The following KLF12 variants were observed in gnomAD, a reference collection of about 807,000 sequenced individuals.
The protein encoded by KLF12 is KLF transcription factor 12.
Under a neutral mutation model 37.8 loss-of-function variants are expected in KLF12, and 9 were observed. The ratio of observed to expected loss-of-function variants is 0.24; its 90% CI spans 0.14 to 0.42. The LOEUF (loss-of-function observed/expected upper bound fraction) is 0.42. KLF12 is among the 10% of genes least tolerant of loss of function. The probability of loss-of-function intolerance (pLI) is 1.00; values close to 1 mark genes in which losing one functional copy is unlikely to be tolerated. For synonymous variants in KLF12, 208 were observed against 202.1 expected (o/e 1.03, Z -0.25); for missense variants, 411 against 516.0 (o/e 0.80, Z 1.97).
chr13:74,152,095 A>G, the KLF12 span, among the ~76,000 whole-genome samples: 1 of 152,186 alleles, frequency 6.6e-6, no homozygotes, highest in East Asian at 1.9e-4. Context: ...TCTGGATGGT[A>G]CAGTCCTTTA....
At chr13:74,264,180 C>G in the KLF12 span, among the ~76,000 whole-genome samples, 8 of 152,050 alleles carry the variant, frequency 5.3e-5, no homozygotes, top group African/African-American at 1.7e-4. Flanking sequence ...TATCAATTTG[C>G]TGATGTTGAA....
intron 3 of KLF12, among the ~76,000 whole-genome samples, chr13:73,892,858 G>A (rs953977854): frequency 6.6e-6 from 1 of 152,130 alleles, no homozygotes; most frequent in Admixed American, 6.5e-5. Context: ...ATAGAGGTGG[G>A]TAGGGTGAAG....
At position 73,905,363 on chromosome 13, in the gene KLF12, T is replaced by C. The variant is rs550265418; in HGVS notation, c.123+38618A>G. ...CCTTTTTTATGTTCATGGGGCTCTG[T>C]TGAAATATGATATCATCATGGATAA... On this transcript the variant is annotated intron_variant, in intron 3 of 7. Coordinates refer to ENST00000377669, the MANE Select transcript of KLF12 (RefSeq NM_007249.5). Among the ~76,000 whole-genome samples, 12 of 150,018 alleles carry C rather than the reference T, an allele frequency of 8.0e-5. 1 individual carries two copies. The highest frequency in any genetic ancestry group is 3.9e-4 in the East Asian group (2 of 5,188).
chr13:73,897,594 A>G (rs1010992743), intron 3 of KLF12, among the ~76,000 whole-genome samples: 1 of 152,108 alleles, frequency 6.6e-6, no homozygotes, highest in African/African-American at 2.4e-5. Flanking sequence ...CAGTCTTTAA[A>G]TGTTGGCTAT....
chr13:74,281,445 A>G, the KLF12 span, among the ~76,000 whole-genome samples: 1 of 152,226 alleles, frequency 6.6e-6, no homozygotes, highest in Admixed American at 6.5e-5. Flanking sequence ...AAAATTAGAT[A>G]TGGCATGGAG....
chr13:74,208,835 A>T, the KLF12 span, among the ~76,000 whole-genome samples: 1 of 152,030 alleles, frequency 6.6e-6, no homozygotes, highest in South Asian at 2.1e-4. Flanking sequence ...AAAAAGAAAC[A>T]CTTCTTTAAG....
At chr13:74,263,154 C>G in the KLF12 span, among the ~76,000 whole-genome samples, 1 of 152,114 alleles carries the variant, frequency 6.6e-6, no homozygotes, top group East Asian at 1.9e-4. Flanking sequence ...GTTCTTTATA[C>G]TTCTAACTAA....
At chr13:73,910,989 C>A (rs934800105) in intron 3 of KLF12, among the ~76,000 whole-genome samples, 1 of 152,100 alleles carries the variant, frequency 6.6e-6, no homozygotes, top group African/African-American at 2.4e-5. Context: ...AGCAAGAAAG[C>A]CCTCAACAGA....
chr13:74,154,009 C>T, the KLF12 span, among the ~76,000 whole-genome samples: 3 of 151,554 alleles, frequency 2.0e-5, no homozygotes, highest in Admixed American at 6.6e-5. Context: ...AGGCAGATCA[C>T]GAGGTCAGGA....
chr13:74,282,666 T>C, the KLF12 span, among the ~76,000 whole-genome samples: 2 of 152,044 alleles, frequency 1.3e-5, no homozygotes, highest in East Asian at 1.9e-4. Context: ...AGTATGGAAA[T>C]AATAACTTCA....
At chr13:73,883,839 G>A (rs1482073952) in intron 3 of KLF12, among the ~76,000 whole-genome samples, 1 of 152,020 alleles carries the variant, frequency 6.6e-6, no homozygotes, top group Non-Finnish European at 1.5e-5. Context: ...TTAAATTTAG[G>A]GTGATATGAC....
At chr13:74,051,950 A>T (rs1872951017) in intron 1 of KLF12, among the ~76,000 whole-genome samples, 1 of 152,178 alleles carries the variant, frequency 6.6e-6, no homozygotes, top group Non-Finnish European at 1.5e-5. Flanking sequence ...CCCTAATTTG[A>T]TCATTACACA....
At chr13:73,831,025 C>CACACACACACAT (rs1555311663) in intron 4 of KLF12, among the ~76,000 whole-genome samples, 21 of 141,634 alleles carry the variant, frequency 1.5e-4, no homozygotes, top group Middle Eastern at 3.5e-3. Context: ...CACACACACA[C>CACACACACACAT]GCATACTTAT....
intron 5 of KLF12, among the ~76,000 whole-genome samples, chr13:73,770,871 T>A: frequency 6.6e-6 from 1 of 152,172 alleles, no homozygotes; most frequent in Non-Finnish European, 1.5e-5. Context: ...TATTCTAATG[T>A]CATAGACACT....
intron 1 of KLF12, among the ~76,000 whole-genome samples, chr13:74,097,247 G>C (rs1876032740): frequency 6.6e-6 from 1 of 152,152 alleles, no homozygotes; most frequent in South Asian, 2.1e-4. Context: ...CCATCTTAGA[G>C]GGGTTACAAA....
the KLF12 span, among the ~76,000 whole-genome samples, chr13:74,153,543 A>G: frequency 6.6e-6 from 1 of 152,086 alleles, no homozygotes; most frequent in African/African-American, 2.4e-5. Flanking sequence ...TGTTCCAAAT[A>G]TGGGGTTTCT....
intron 2 of KLF12, among the ~76,000 whole-genome samples, chr13:73,954,828 C>T (rs920893281): frequency 6.6e-6 from 1 of 152,132 alleles, no homozygotes; most frequent in Non-Finnish European, 1.5e-5. Flanking sequence ...TTAAATTTTA[C>T]GTATAATCCA....
At position 74,096,635 on chromosome 13, in the gene KLF12, G is replaced by A. The variant is rs567658598; in HGVS notation, c.-32+37104C>T. Among the ~76,000 whole-genome samples, 5 of 152,270 alleles carry A rather than the reference G, an allele frequency of 3.3e-5. No homozygotes were observed. In the South Asian group the frequency reaches 1.0e-3, roughly 32 times the overall value. On this transcript the variant is annotated intron_variant, in intron 1 of 7. Transcript: ENST00000377669. ...CATGTTTCTGTTTCCTAGGAAACTAGGTAATACCTATGACGAGAAAACTCT... is the reference window on the plus strand; with the variant it reads ...CATGTTTCTGTTTCCTAGGAAACTAAGTAATACCTATGACGAGAAAACTCT...
chr13:73,885,248 TC>T (rs1198754183), intron 3 of KLF12, among the ~76,000 whole-genome samples: 1 of 151,986 alleles, frequency 6.6e-6, no homozygotes, highest in East Asian at 1.9e-4. Flanking sequence ...CTTACAATCT[TC>T]CCCCTGTCAT....
Sources: gnomAD v4.1 joint callset for allele counts (sites outside exome capture counted in the v4.1 genomes callset) on GRCh38, gnomAD v4.1.1 for gene constraint, MANE v1.5 for transcripts, NCBI Gene and HGNC (gene_info 2026-07-23, HGNC 2026-07-21) for gene names.